The following HACL1 variants were observed in gnomAD, a reference collection of about 807,000 sequenced individuals.
The protein encoded by HACL1 is 1600020H07Rik.
In HACL1, 64 loss-of-function variants were observed where a neutral mutation model predicts 74.2. That is an observed-to-expected ratio of 0.86 (90% confidence interval 0.70 to 1.06). HACL1 has a LOEUF of 1.06. HACL1 is among the 50% of genes least tolerant of loss of function. HACL1 has a pLI of 0.00. For synonymous variants in HACL1, 230 were observed against 238.8 expected, an observed-to-expected ratio of 0.96 and a Z score of 0.34; for missense variants, 728 against 719.7, an observed-to-expected ratio of 1.01 and a Z score of -0.13.
intron 16 of HACL1, among the ~76,000 whole-genome samples, chr3:15,561,954 A>G (rs569880258): frequency 6.6e-6 from 1 of 152,220 alleles, no homozygotes; most frequent in Non-Finnish European, 1.5e-5. Flanking sequence ...GGCTGGGATT[A>G]CCGTGCCCAG....
intron 6 of HACL1, among the ~76,000 whole-genome samples, chr3:15,585,927 G>C (rs958430939): frequency 6.6e-6 from 1 of 152,282 alleles, no homozygotes; most frequent in South Asian, 2.1e-4. Context: ...AAATGCAGGT[G>C]TCTAAACAGT....
At position 15,573,243 on chromosome 3, in the gene HACL1, C is replaced by T; in HGVS notation, c.910-1G>A. 1 of 1,588,944 alleles carries T rather than the reference C, an allele frequency of 6.3e-7. No individual in the cohort carries two copies. ...CCAATTCTTCTGCACAGATATCAAC[C>T]TAAAAAAGAGACAAGGCTAAAGAAC... On this transcript the variant is annotated splice_acceptor_variant, in intron 10 of 16. Transcript: ENST00000321169. LOFTEE classifies it high-confidence loss of function.
chr3:15,589,045 T>C (rs2063844576), intron 5 of HACL1, among the ~76,000 whole-genome samples: 1 of 152,202 alleles, frequency 6.6e-6, no homozygotes, highest in Admixed American at 6.5e-5. Flanking sequence ...AGCTCACCCT[T>C]AATATCCACC....
chr3:15,588,958 T>C (rs2063843400), intron 5 of HACL1, among the ~76,000 whole-genome samples: 1 of 152,168 alleles, frequency 6.6e-6, no homozygotes, highest in Non-Finnish European at 1.5e-5. Context: ...CTTGACTCCT[T>C]TAAGAGCCTA....
At chr3:15,590,620 AT>A (rs2063874324) in intron 4 of HACL1, among the ~76,000 whole-genome samples, 1 of 152,244 alleles carries the variant, frequency 6.6e-6, no homozygotes, top group African/African-American at 2.4e-5. Flanking sequence ...CTAAATGAAT[AT>A]AAGAATTTCA....
intron 11 of HACL1, 57 bp downstream of exon 11, chr3:15,573,102 C>T: frequency 1.1e-6 from 1 of 927,724 alleles, no homozygotes; most frequent in Non-Finnish European, 1.8e-6. Context: ...AAAACATTTT[C>T]AAGAATTGAC....
At chr3:15,588,492 C>A (rs1458544601) in intron 5 of HACL1, among the ~76,000 whole-genome samples, 2 of 151,940 alleles carry the variant, frequency 1.3e-5, no homozygotes, top group African/African-American at 4.8e-5. Context: ...ACTTAGGAGG[C>A]TGAGGTGGGA....
intron 10 of HACL1, 69 bp from the exon 11 acceptor site, chr3:15,573,311 A>G: frequency 1.2e-6 from 1 of 860,372 alleles, no homozygotes; most frequent in South Asian, 1.3e-5. Context: ...GGCAATTACG[A>G]TTGAATAAAT....
At chr3:15,585,123 T>C in intron 7 of HACL1, 125 bp downstream of exon 7, 1 of 532,980 alleles carries the variant, frequency 1.9e-6, no homozygotes, top group South Asian at 2.8e-5. Context: ...GTTTAATTAC[T>C]AAATAATCAA....
At chr3:15,575,679 C>A (rs2063612847) in intron 9 of HACL1, among the ~76,000 whole-genome samples, 1 of 152,094 alleles carries the variant, frequency 6.6e-6, no homozygotes, top group Admixed American at 6.5e-5. Context: ...GCAGTTGGGA[C>A]TACAGGCACG....
intron 7 of HACL1, among the ~76,000 whole-genome samples, chr3:15,584,266 G>A (rs1322351062): frequency 6.6e-6 from 1 of 152,094 alleles, no homozygotes; most frequent in African/African-American, 2.4e-5. Flanking sequence ...GAATAAACAA[G>A]TGTCTTTTTT....
Position 15,582,937 on chromosome 3 carries a change from C to G in HACL1, c.607G>C (p.Val203Leu). Reference sequence around the variant, plus strand: ...CTAATAACAGAAGCCGCCGTGCACACAGCAGAGGTTTCTGCCATGCTAATA... The same window carrying G: ...CTAATAACAGAAGCCGCCGTGCACAGAGCAGAGGTTTCTGCCATGCTAATA... ...PPISMAETSA[V>L]CTAASVIRNA... Residue 203 changes from valine to leucine, a missense_variant, in exon 8 of 17, where the codon GTG becomes CTG. Physicochemically the swap from Val to Leu is conservative, Grantham distance 32 (BLOSUM62 1). Coordinates refer to ENST00000321169, the MANE Select transcript of HACL1 (RefSeq NM_012260.4). The G allele has an allele frequency of 6.2e-7, 1 of 1,612,428 alleles. No individual in the cohort carries two copies. Among genetic ancestry groups the G allele is most frequent in the Middle Eastern group, 1.7e-4 (1 of 6,056 alleles).
At chr3:15,585,166 C>A in intron 7 of HACL1, 82 bp downstream of exon 7, 1 of 700,526 alleles carries the variant, frequency 1.4e-6, no homozygotes, top group Non-Finnish European at 2.5e-6. Flanking sequence ...TTATAAACTG[C>A]TGGGTAAATT....
intron 1 of HACL1, 90 bp downstream of exon 1, chr3:15,601,293 C>T: frequency 6.3e-7 from 1 of 1,580,672 alleles, no homozygotes; most frequent in Non-Finnish European, 8.7e-7. Context: ...CCCCCGACCC[C>T]CATCGCCCAT....
intron 7 of HACL1, among the ~76,000 whole-genome samples, chr3:15,584,901 A>G (rs572736349): frequency 6.6e-6 from 1 of 152,156 alleles, no homozygotes; most frequent in Non-Finnish European, 1.5e-5. Flanking sequence ...GAGTCCTAAT[A>G]CTTTTTAATA....
At position 15,580,006 on chromosome 3, in the gene HACL1, A is replaced by C. The variant is rs1314663456; in HGVS notation, c.707T>G (p.Leu236Trp). Residue 236 changes from leucine (L) to tryptophan (W), a missense_variant, in exon 9 of 17, where the codon TTG becomes TGG. Transcript: ENST00000321169. ...YAHAEESIKKLVEQYKLPFLP... is the reference protein window; with the variant it reads ...YAHAEESIKKWVEQYKLPFLP... ...AAATGGCAGTTTATATTGCTCCACC[A>C]ATTTCTTGATACTCTCTTCTGCATG... 1 of 1,611,244 alleles carries C rather than the reference A, an allele frequency of 6.2e-7. No individual in the cohort carries two copies. The highest frequency in any genetic ancestry group is 8.5e-7 in the Non-Finnish European group (1 of 1,177,422).
At chr3:15,569,712 C>T (rs761744880) in intron 12 of HACL1, among the ~76,000 whole-genome samples, 10 of 151,744 alleles carry the variant, frequency 6.6e-5, no homozygotes, top group East Asian at 1.9e-4. Flanking sequence ...TCCAGCTACT[C>T]GGGATGCTGA....
In HACL1 at chr3:15,601,554, C is replaced by G. The variant is rs901012098; in HGVS notation, c.-91G>C. The G allele has an allele frequency of 1.6e-5, 26 of 1,603,884 alleles. No individual in the cohort carries two copies. In the African/African-American group the frequency reaches 2.7e-4, roughly 16 times the overall value. ...ACGCGAAATCGGCAGCACGCCACCTCTGGTACTGCACCTCTGACGGACAGG... is the reference window on the plus strand; with the variant it reads ...ACGCGAAATCGGCAGCACGCCACCTGTGGTACTGCACCTCTGACGGACAGG... On this transcript the variant is annotated 5_prime_UTR_variant, in exon 1 of 17. Transcript: ENST00000321169.
chr3:15,574,785 T>C lies in HACL1; in HGVS notation c.909+192A>G, dbSNP rs80209157. On this transcript the variant is annotated intron_variant, in intron 10 of 16. Transcript: ENST00000321169. ...TTTTCTGGCTAGAAGTGGCACACTA[T>C]ATTTCATAGGCTAGAAAAGGAAGCT... Among the ~76,000 whole-genome samples the C allele has an allele frequency of 3.9e-3, 587 of 151,840 alleles. 4 individuals are homozygous for C. Among genetic ancestry groups the C allele is most frequent in the Non-Finnish European group, 6.3e-3 (430 of 67,984 alleles).
Sources: allele counts gnomAD v4.1 joint callset (sites outside exome capture counted in the v4.1 genomes callset), GRCh38; gene constraint gnomAD v4.1.1; transcripts MANE v1.5; gene names NCBI Gene and HGNC (gene_info 2026-07-23, HGNC 2026-07-21).